The following HSD17B2 variants were observed in gnomAD, a reference collection of about 807,000 sequenced individuals.
The protein encoded by HSD17B2 is hydroxysteroid 17-beta dehydrogenase 2.
A neutral mutation model predicts 26.9 loss-of-function variants in HSD17B2; 32 were observed. The observed-to-expected ratio is 1.19, with a 90% CI of 0.90 to 1.60. The LOEUF is 1.60. Ranked by LOEUF, HSD17B2 falls within the 40% of genes most tolerant of loss-of-function variation. The pLI, the probability that HSD17B2 is intolerant of heterozygous loss-of-function variation, is 0.00. For missense variants in HSD17B2, 613 were observed against 468.6 expected, an observed-to-expected ratio of 1.31 and a Z score of -2.85; for synonymous variants, 246 against 186.7, an observed-to-expected ratio of 1.32 and a Z score of -2.59.
chr16:82,083,726 TG>T (rs1381068040), intron 3 of HSD17B2, among the ~76,000 whole-genome samples: 3 of 152,152 alleles, frequency 2.0e-5, no homozygotes, highest in Admixed American at 2.0e-4. Flanking sequence ...CTTCATCCTC[TG>T]CCCCGTCACT....
chr16:82,073,112 C>T (rs1914734550), intron 3 of HSD17B2, among the ~76,000 whole-genome samples: 2 of 152,040 alleles, frequency 1.3e-5, no homozygotes, highest in Admixed American at 6.6e-5. Flanking sequence ...TTCAACTTGG[C>T]CTTTAAAGCT....
chr16:82,068,099 T>C, intron 1 of HSD17B2, 71 bp from the exon 2 acceptor site: 1 of 1,300,710 alleles, frequency 7.7e-7, no homozygotes, highest in South Asian at 1.2e-5. Context: ...ACGTAATATG[T>C]TTTCCTTGTT....
At chr16:82,074,295 T>C (rs1460351200) in intron 3 of HSD17B2, among the ~76,000 whole-genome samples, 2 of 152,208 alleles carry the variant, frequency 1.3e-5, no homozygotes, top group African/African-American at 4.8e-5. Flanking sequence ...TTTTCGTTCA[T>C]CACATCCAGT....
intron 1 of HSD17B2, among the ~76,000 whole-genome samples, chr16:82,050,239 G>A (rs537354651): frequency 6.6e-6 from 1 of 152,158 alleles, no homozygotes; most frequent in African/African-American, 2.4e-5. Flanking sequence ...CTTGCTCAGG[G>A]TTCCCCATCT....
At chr16:82,070,738 C>A in intron 2 of HSD17B2, 1 of 584,864 alleles carries the variant, frequency 1.7e-6, no homozygotes, top group African/African-American at 1.9e-5. Context: ...TACATCTCTG[C>A]ACATCTAGCT....
chr16:82,091,444 T>G (rs1904690902), intron 4 of HSD17B2: 1 of 233,992 alleles, frequency 4.3e-6, no homozygotes, highest in Non-Finnish European at 8.5e-6. Flanking sequence ...GATGATTCAG[T>G]TCCAAAGGAA....
Position 82,035,359 on chromosome 16 carries a change from C to T in HSD17B2, c.-66C>T, listed in dbSNP as rs1411471497. 16 of 1,511,546 alleles carry T rather than the reference C, an allele frequency of 1.1e-5. No individual in the cohort carries two copies. The Admixed American group carries it at 2.9e-4, about 28-fold the overall frequency. 93.6% of individuals were successfully genotyped at this position (1,511,546 alleles called of 1,614,324 possible). A position where few individuals can be genotyped will look rare whatever the true frequency, so the allele number is the denominator to read the frequency against. On this transcript the variant is annotated 5_prime_UTR_variant, in exon 1 of 5. Coordinates refer to ENST00000199936, the MANE Select transcript of HSD17B2 (RefSeq NM_002153.3). ...TCTGTTCACAGAACTCAGGCTGCCT[C>T]CAGCCAGCCTTTGCCCGCTAGACTC...
chr16:82,040,481 C>T (rs1037127195), intron 1 of HSD17B2, among the ~76,000 whole-genome samples: 22 of 152,224 alleles, frequency 1.4e-4, no homozygotes, highest in African/African-American at 4.6e-4. Context: ...TTGGACTAAA[C>T]CCAGATCAGA....
chr16:82,038,982 G>C (rs1309052096), intron 1 of HSD17B2, among the ~76,000 whole-genome samples: 1 of 152,078 alleles, frequency 6.6e-6, no homozygotes, highest in Non-Finnish European at 1.5e-5. Flanking sequence ...TGGGCAGGAG[G>C]GGAGACTTAA....
At chr16:82,041,967 C>T (rs926672902) in intron 1 of HSD17B2, among the ~76,000 whole-genome samples, 5 of 151,394 alleles carry the variant, frequency 3.3e-5, no homozygotes, top group African/African-American at 1.2e-4. Context: ...ATCATCTCCT[C>T]TTGTGATCCT....
chr16:82,081,496 G>A (rs1904379201), intron 3 of HSD17B2, among the ~76,000 whole-genome samples: 1 of 152,140 alleles, frequency 6.6e-6, no homozygotes, highest in Non-Finnish European at 1.5e-5. Flanking sequence ...CCTCTTCACT[G>A]CCTGGTTGGG....
Position 82,098,056 on chromosome 16 carries a change from C to T in HSD17B2, c.803-19C>T, listed in dbSNP as rs766959304. ...TTGGCCTTCCCAGGATCTGACTCTTCCCTTTCCTTTCACCCCAGATATCGC... is the reference window on the plus strand; with the variant it reads ...TTGGCCTTCCCAGGATCTGACTCTTTCCTTTCCTTTCACCCCAGATATCGC... On this transcript the variant is annotated intron_variant, in intron 4 of 4. Transcript: ENST00000199936. 3.1e-6 allele frequency: 5 copies of T among 1,595,702 alleles called. No homozygotes were observed. Among genetic ancestry groups the T allele is most frequent in the Non-Finnish European group, 4.3e-6 (5 of 1,170,082 alleles).
chr16:82,068,804 T>G (rs1213417800), intron 2 of HSD17B2, among the ~76,000 whole-genome samples: 1 of 152,208 alleles, frequency 6.6e-6, no homozygotes, highest in Non-Finnish European at 1.5e-5. Flanking sequence ...ACCCTGTAGC[T>G]CTGTGATTCT....
At chr16:82,095,801 C>T (rs1218642071) in intron 4 of HSD17B2, 1 of 152,140 alleles carries the variant, frequency 6.6e-6, no homozygotes, top group African/African-American at 2.4e-5. Context: ...AAAACAAATT[C>T]ATGGAAAATA....
At chr16:82,051,387 T>C (rs1914101838) in intron 1 of HSD17B2, among the ~76,000 whole-genome samples, 1 of 152,114 alleles carries the variant, frequency 6.6e-6, no homozygotes, top group African/African-American at 2.4e-5. Context: ...GACCATGGAC[T>C]AAAAAGGAAT....
Position 82,079,543 on chromosome 16 carries a change from T to C in HSD17B2, c.664+8416T>C, listed in dbSNP as rs186049833. Among the ~76,000 whole-genome samples, 4 of 152,326 alleles carry C rather than the reference T, an allele frequency of 2.6e-5. No homozygotes were observed. The South Asian group carries it at 8.3e-4, about 32-fold the overall frequency. ...TCTTTTTAAAGGTTCTATCTTCAAA[T>C]GCAGTCACGTTCCAAGATACTGGAG... On this transcript the variant is annotated intron_variant, in intron 3 of 4. Coordinates refer to ENST00000199936, the MANE Select transcript of HSD17B2 (RefSeq NM_002153.3).
At chr16:82,056,257 C>T (rs961725205) in intron 1 of HSD17B2, among the ~76,000 whole-genome samples, 1 of 152,096 alleles carries the variant, frequency 6.6e-6, no homozygotes, top group East Asian at 1.9e-4. Context: ...GATAGTGGGG[C>T]AATTTAGTTG....
At chr16:82,047,619 G>C (rs1344459068) in intron 1 of HSD17B2, among the ~76,000 whole-genome samples, 2 of 152,158 alleles carry the variant, frequency 1.3e-5, no homozygotes, top group African/African-American at 4.8e-5. Context: ...CTGGGGTAGA[G>C]GCCATGAGTT....
chr16:82,061,949 G>A (rs1403375481), intron 1 of HSD17B2, among the ~76,000 whole-genome samples: 2 of 152,184 alleles, frequency 1.3e-5, no homozygotes, highest in Non-Finnish European at 2.9e-5. Context: ...TTTACAGGGT[G>A]GATGCGTTTT....
Sources: gnomAD v4.1 joint callset for allele counts (sites outside exome capture counted in the v4.1 genomes callset) on GRCh38, gnomAD v4.1.1 for gene constraint, MANE v1.5 for transcripts, NCBI Gene and HGNC (gene_info 2026-07-23, HGNC 2026-07-21) for gene names.